Variants in CARM1 observed in about 807,000 individuals in gnomAD.
CARM1 encodes coactivator associated arginine methyltransferase 1.
A neutral mutation model predicts 72.7 loss-of-function variants in CARM1; 14 were observed. That is an observed-to-expected ratio of 0.19 (90% CI 0.13 to 0.30). The LOEUF (loss-of-function observed/expected upper bound fraction) is 0.30. Ranked by LOEUF, CARM1 falls within the 10% of genes least tolerant of loss-of-function variation. The pLI is 1.00. For missense variants in CARM1, 432 were observed against 833.7 expected (o/e 0.52, Z 5.93); for synonymous variants, 333 against 345.5 (o/e 0.96, Z 0.40).
At chr19:10,898,753 G>T (rs1030534147) in intron 1 of CARM1, among the ~76,000 whole-genome samples, 21 of 152,214 alleles carry the variant, frequency 1.4e-4, no homozygotes, top group Admixed American at 1.3e-4. Context: ...GGTGCTGTTC[G>T]CAAGCCAGGA....
intron 1 of CARM1, among the ~76,000 whole-genome samples, chr19:10,900,413 C>T (rs1038331444): frequency 1.3e-5 from 2 of 152,178 alleles, no homozygotes; most frequent in African/African-American, 4.8e-5. Flanking sequence ...AGCAGTGTGC[C>T]TTCTGTGACT....
At chr19:10,875,736 T>C (rs2073859522) in intron 1 of CARM1, among the ~76,000 whole-genome samples, 1 of 151,232 alleles carries the variant, frequency 6.6e-6, no homozygotes, top group Non-Finnish European at 1.5e-5. Flanking sequence ...AGCTGTTCTT[T>C]TCTTATAAGG....
At chr19:10,902,164 A>C (rs1014616888) in intron 1 of CARM1, among the ~76,000 whole-genome samples, 2 of 152,018 alleles carry the variant, frequency 1.3e-5, no homozygotes, top group East Asian at 3.9e-4. Context: ...GAGAATCCCT[A>C]GAATCTGGGA....
intron 1 of CARM1, among the ~76,000 whole-genome samples, chr19:10,904,100 A>G (rs370063652): frequency 5.9e-5 from 9 of 151,912 alleles, no homozygotes; most frequent in East Asian, 5.8e-4. Flanking sequence ...TGTCTCCTGC[A>G]CTCTGGAATA....
At chr19:10,905,472 G>A (rs2074096322) in intron 2 of CARM1, among the ~76,000 whole-genome samples, 1 of 152,196 alleles carries the variant, frequency 6.6e-6, no homozygotes. Context: ...CACCAGAAGG[G>A]CTTAACCAAC....
chr19:10,909,269 C>A, intron 4 of CARM1, 62 bp downstream of exon 4: 2 of 1,040,902 alleles, frequency 1.9e-6, no homozygotes, highest in South Asian at 2.7e-5. Context: ...TTTCTTTGCT[C>A]ATTGATTTTA....
At chr19:10,884,830 G>A (rs756264909) in intron 1 of CARM1, among the ~76,000 whole-genome samples, 5 of 151,982 alleles carry the variant, frequency 3.3e-5, no homozygotes, top group Non-Finnish European at 7.4e-5. Flanking sequence ...TCAGCCTCCC[G>A]AGTAGCTGGG....
At chr19:10,899,752 ACT>A (rs1256308796) in intron 1 of CARM1, among the ~76,000 whole-genome samples, 1 of 141,010 alleles carries the variant, frequency 7.1e-6, no homozygotes, top group Admixed American at 7.3e-5. Flanking sequence ...ACGGAGTCTC[ACT>A]CTGTCGTCCA....
At chr19:10,909,859 G>A (rs2074134945) in intron 4 of CARM1, among the ~76,000 whole-genome samples, 1 of 151,966 alleles carries the variant, frequency 6.6e-6, no homozygotes, top group African/African-American at 2.4e-5. Context: ...CTCCAAGATA[G>A]CCGCTACCCC....
At chr19:10,921,323 T>A in intron 14 of CARM1, 52 bp from the exon 15 acceptor site, 1 of 1,597,422 alleles carries the variant, frequency 6.3e-7, no homozygotes, top group African/African-American at 1.3e-5. Context: ...GCTGGGTGGC[T>A]GGGGGCGGTG....
chr19:10,886,026 C>CACCTG (rs2073939558), intron 1 of CARM1, among the ~76,000 whole-genome samples: 1 of 150,458 alleles, frequency 6.6e-6, no homozygotes, highest in Non-Finnish European at 1.5e-5. Flanking sequence ...GGTGGCCCCA[C>CACCTG]ACCTGGCTAA....
chr19:10,884,733 C>G (rs1164656312), intron 1 of CARM1, among the ~76,000 whole-genome samples: 3 of 152,030 alleles, frequency 2.0e-5, no homozygotes, highest in Non-Finnish European at 2.9e-5. Flanking sequence ...GAGACTGAGT[C>G]TTGCTCTGTC....
At chr19:10,909,780 CAAAT>C (rs1280575013) in intron 4 of CARM1, among the ~76,000 whole-genome samples, 1 of 152,002 alleles carries the variant, frequency 6.6e-6, no homozygotes, top group Non-Finnish European at 1.5e-5. Flanking sequence ...GCAAGAAAAA[CAAAT>C]GCATTTGATA....
intron 1 of CARM1, among the ~76,000 whole-genome samples, chr19:10,887,823 C>A (rs1036492129): frequency 6.6e-6 from 1 of 152,166 alleles, no homozygotes; most frequent in Non-Finnish European, 1.5e-5. Context: ...GACCCAACTT[C>A]GATTTCCTCC....
chr19:10,878,185 C>T (rs1164557089), intron 1 of CARM1, among the ~76,000 whole-genome samples: 3 of 152,150 alleles, frequency 2.0e-5, no homozygotes, highest in African/African-American at 7.2e-5. Context: ...AAGGCTTTTA[C>T]AGTTTTTGAG....
intron 4 of CARM1, among the ~76,000 whole-genome samples, chr19:10,911,228 T>C (rs1371630598): frequency 1.3e-5 from 2 of 152,148 alleles, no homozygotes; most frequent in Non-Finnish European, 2.9e-5. Context: ...CCTGTTTTTT[T>C]CCTCCAAGTA....
Position 10,904,942 on chromosome 19 carries a change from C to T in CARM1, c.221-9C>T, listed in dbSNP as rs999219566. 1.2e-6 allele frequency: 2 copies of T among 1,613,962 alleles called. No homozygotes were observed. The highest frequency in any genetic ancestry group is 1.7e-6 in the Non-Finnish European group (2 of 1,179,844). ...TGCACCGCTCACGCCAGCCTGTCTT[C>T]TCTCGTAGATGAAGATGTGTGTGTC... On this transcript the variant is annotated splice_polypyrimidine_tract_variant and intron_variant, in intron 1 of 15. Coordinates refer to ENST00000327064, the MANE Select transcript of CARM1 (RefSeq NM_199141.2).
intron 1 of CARM1, among the ~76,000 whole-genome samples, chr19:10,879,276 G>A (rs1289773117): frequency 2.6e-5 from 4 of 152,222 alleles, no homozygotes; most frequent in African/African-American, 9.6e-5. Flanking sequence ...CTGATGCAAG[G>A]TGCTTCAGCT....
intron 3 of CARM1, 34 bp from the exon 4 acceptor site, chr19:10,909,069 T>C (rs1280330728): frequency 1.3e-6 from 2 of 1,530,890 alleles, no homozygotes; most frequent in Non-Finnish European, 1.8e-6. Context: ...CGTGCCACCA[T>C]GTGCCCCGTG....
Sources: allele counts gnomAD v4.1 joint callset (sites outside exome capture counted in the v4.1 genomes callset), GRCh38; gene constraint gnomAD v4.1.1; transcripts MANE v1.5; gene names NCBI Gene and HGNC (gene_info 2026-07-23, HGNC 2026-07-21).